The following STPG2 variants were observed in gnomAD, a reference collection of about 807,000 sequenced individuals.
STPG2 encodes sperm-tail PG-rich repeat-containing protein 2.
STPG2 carries 56 observed loss-of-function variants against 54.2 expected under a neutral mutation model. That is an observed-to-expected ratio of 1.03 (90% CI 0.83 to 1.29). The LOEUF (loss-of-function observed/expected upper bound fraction) is 1.29. Among genes scored for constraint, STPG2 ranks in the 50% most tolerant of loss-of-function variants. The pLI is 0.00. For synonymous variants in STPG2, 200 were observed against 181.8 expected (o/e 1.10, Z -0.81); for missense variants, 596 against 544.9 (o/e 1.09, Z -0.93).
chr4:97,809,309 T>G (rs1052788955), intron 9 of STPG2, among the ~76,000 whole-genome samples: 1 of 152,206 alleles, frequency 6.6e-6, no homozygotes, highest in African/African-American at 2.4e-5. Context: ...TAACTAAAAC[T>G]GAGTAAACTA....
chr4:98,124,958 G>T (rs911368657), intron 3 of STPG2, among the ~76,000 whole-genome samples: 3 of 152,030 alleles, frequency 2.0e-5, no homozygotes, highest in African/African-American at 7.3e-5. Context: ...TTCTCCACTT[G>T]GTTTGTTTGG....
At chr4:97,895,620 A>G (rs1730927631) in intron 8 of STPG2, among the ~76,000 whole-genome samples, 1 of 151,794 alleles carries the variant, frequency 6.6e-6, no homozygotes, top group African/African-American at 2.4e-5. Context: ...TAGATTTTAC[A>G]TGCTGGCATA....
intron 9 of STPG2, among the ~76,000 whole-genome samples, chr4:97,802,865 A>G (rs1182542802): frequency 6.6e-6 from 1 of 152,182 alleles, no homozygotes; most frequent in Non-Finnish European, 1.5e-5. Context: ...TCTAGGTGAC[A>G]GTAATATATT....
At chr4:98,102,378 T>C (rs966907456) in intron 5 of STPG2, among the ~76,000 whole-genome samples, 5 of 152,230 alleles carry the variant, frequency 3.3e-5, no homozygotes, top group Non-Finnish European at 5.9e-5. Context: ...GCTCCTTTTG[T>C]GCTACAACAG....
intron 5 of STPG2, among the ~76,000 whole-genome samples, chr4:98,077,876 T>C (rs922114664): frequency 6.6e-5 from 10 of 152,164 alleles, no homozygotes; most frequent in African/African-American, 2.4e-4. Context: ...AGAATCACTA[T>C]GGTAGAAAAA....
intron 8 of STPG2, among the ~76,000 whole-genome samples, chr4:97,854,588 GA>G (rs1350720630): frequency 6.6e-6 from 1 of 151,448 alleles, no homozygotes; most frequent in Non-Finnish European, 1.5e-5. Context: ...AAAACATGGG[GA>G]TCGGGAATAA....
intron 10 of STPG2, among the ~76,000 whole-genome samples, chr4:97,623,989 T>C (rs1214697082): frequency 1.3e-5 from 2 of 152,200 alleles, no homozygotes; most frequent in Admixed American, 6.5e-5. Context: ...TATGGCTGCA[T>C]AGTATTCCAT....
chr4:97,671,970 G>A (rs1330304830), intron 10 of STPG2, among the ~76,000 whole-genome samples: 2 of 151,830 alleles, frequency 1.3e-5, no homozygotes, highest in African/African-American at 4.8e-5. Context: ...GCTGCTGCTG[G>A]TACTACTACT....
At chr4:97,624,614 C>G (rs544728331) in intron 10 of STPG2, among the ~76,000 whole-genome samples, 12 of 152,126 alleles carry the variant, frequency 7.9e-5, no homozygotes, top group African/African-American at 2.9e-4. Context: ...TGCAAAATCT[C>G]TTTAGTTTAA....
chr4:97,469,743 A>G (rs1729876925), intron 4 of STPG2, among the ~76,000 whole-genome samples: 1 of 152,020 alleles, frequency 6.6e-6, no homozygotes. Flanking sequence ...CCAAAAAGGG[A>G]GGCTGAAGAA....
At chr4:97,596,484 C>T (rs1320825903) in intron 10 of STPG2, among the ~76,000 whole-genome samples, 1 of 152,158 alleles carries the variant, frequency 6.6e-6, no homozygotes, top group Non-Finnish European at 1.5e-5. Flanking sequence ...GCACATAGCA[C>T]ATATTCTAAA....
At chr4:98,021,995 T>A (rs971154488) in intron 5 of STPG2, among the ~76,000 whole-genome samples, 4 of 151,596 alleles carry the variant, frequency 2.6e-5, no homozygotes, top group Non-Finnish European at 4.4e-5. Flanking sequence ...TGTCTTTTAA[T>A]TGGAGCATAT....
chr4:98,012,871 A>AAATATAC (rs1485776965), intron 5 of STPG2, among the ~76,000 whole-genome samples: 1 of 152,222 alleles, frequency 6.6e-6, no homozygotes, highest in African/African-American at 2.4e-5. Flanking sequence ...AGGGTTTTCT[A>AAATATAC]AATATACAAG....
intron 4 of STPG2, among the ~76,000 whole-genome samples, chr4:97,509,353 T>C (rs1730923014): frequency 6.6e-6 from 1 of 152,146 alleles, no homozygotes; most frequent in South Asian, 2.1e-4. Context: ...TTATGAGCTT[T>C]AGACACCCAA....
At chr4:97,712,965 T>C (rs1724172324) in intron 9 of STPG2, 151 bp from the exon 10 acceptor site, 1 of 489,174 alleles carries the variant, frequency 2.0e-6, no homozygotes, top group Non-Finnish European at 3.6e-6. Context: ...AATCATTTGG[T>C]TTATGTCTTT....
At chr4:97,766,824 T>C (rs1310396799) in intron 9 of STPG2, among the ~76,000 whole-genome samples, 1 of 152,058 alleles carries the variant, frequency 6.6e-6, no homozygotes, top group African/African-American at 2.4e-5. Flanking sequence ...TTCCTCTATC[T>C]CTTCTAATTA....
chr4:97,673,806 A>G (rs1348117862), intron 10 of STPG2, among the ~76,000 whole-genome samples: 1 of 152,122 alleles, frequency 6.6e-6, no homozygotes, highest in Non-Finnish European at 1.5e-5. Context: ...GCATTTTGCT[A>G]TATATATGTA....
At chr4:97,988,863 C>G (rs1486169059) in intron 5 of STPG2, among the ~76,000 whole-genome samples, 3 of 152,216 alleles carry the variant, frequency 2.0e-5, no homozygotes, top group Admixed American at 2.0e-4. Flanking sequence ...ATCTGCCCGC[C>G]TTGGCCTCCC....
At chr4:97,976,291 A>C (rs1734496611) in intron 6 of STPG2, among the ~76,000 whole-genome samples, 1 of 152,182 alleles carries the variant, frequency 6.6e-6, no homozygotes, top group South Asian at 2.1e-4. Flanking sequence ...TATTTGAGCC[A>C]CCACTTAAGA....
Sources: gnomAD v4.1 joint callset for allele counts (sites outside exome capture counted in the v4.1 genomes callset) on GRCh38, gnomAD v4.1.1 for gene constraint, MANE v1.5 for transcripts, NCBI Gene and HGNC (gene_info 2026-07-23, HGNC 2026-07-21) for gene names.